ANO3: variants seen among roughly 807,000 people sequenced by gnomAD.
The protein encoded by ANO3 is anoctamin 3.
A neutral mutation model predicts 144.8 loss-of-function variants in ANO3; 99 were observed. The observed-to-expected ratio is 0.68, with a 90% CI of 0.58 to 0.81. ANO3 has a LOEUF of 0.81. ANO3 is among the 30% of genes least tolerant of loss of function. ANO3 has a pLI of 0.00. For synonymous variants in ANO3, 414 were observed against 392.6 expected, an observed-to-expected ratio of 1.05 and a Z score of -0.64; for missense variants, 905 against 1,202.2, an observed-to-expected ratio of 0.75 and a Z score of 3.66.
At chr11:26,538,542 T>C (rs1056573374) in intron 10 of ANO3, among the ~76,000 whole-genome samples, 1 of 152,096 alleles carries the variant, frequency 6.6e-6, no homozygotes, top group Non-Finnish European at 1.5e-5. Flanking sequence ...ACATAATAAA[T>C]GGTAAAGTGT....
intron 1 of ANO3, among the ~76,000 whole-genome samples, chr11:26,310,705 C>A (rs951995188): frequency 6.6e-6 from 1 of 152,092 alleles, no homozygotes; most frequent in Non-Finnish European, 1.5e-5. Context: ...AACTGCCAGT[C>A]CCCACAGCAG....
chr11:26,586,503 C>CTTTTTTTTTTTTTTTTT lies in ANO3; in HGVS notation c.1448-11860_1448-11844dup, dbSNP rs550057766. 7.3e-3 allele frequency among the ~76,000 whole-genome samples: 598 copies of CTTTTTTTTTTTTTTTTT among 81,402 alleles called. 94 individuals are homozygous for CTTTTTTTTTTTTTTTTT. Among genetic ancestry groups the CTTTTTTTTTTTTTTTTT allele is most frequent in the Admixed American group, 0.012 (71 of 6,138 alleles). 53.4% of individuals were successfully genotyped at this position (81,402 alleles called of 152,430 possible). On this transcript the variant is annotated intron_variant, in intron 14 of 26. Transcript: ENST00000256737. ...AAGAAGGGGCTTCCCTGGTGAGAAT[C>CTTTTTTTTTTTTTTTTT]TTTTTTTTTTTTTTTTTTGAGACAT...
intron 1 of ANO3, among the ~76,000 whole-genome samples, chr11:26,189,561 G>A (rs539246357): frequency 5.2e-4 from 79 of 152,264 alleles, no homozygotes; most frequent in South Asian, 1.9e-3. Flanking sequence ...AACAAAGTCA[G>A]TAAACTCAGA....
intron 1 of ANO3, chr11:26,286,190 C>G (rs1019938147): frequency 2.0e-5 from 3 of 152,184 alleles, no homozygotes; most frequent in African/African-American, 7.2e-5. Flanking sequence ...GTTCACAGGA[C>G]TCTGAAAACA....
rs1301925099 is a variant in ANO3, at chr11:26,463,152, A to G, written c.432+4A>G. 5 of 1,413,934 alleles carry G rather than the reference A, an allele frequency of 3.5e-6. No individual in the cohort carries two copies. Among genetic ancestry groups the G allele is most frequent in the Non-Finnish European group, 4.9e-6 (5 of 1,015,662 alleles). The allele number at this position is 1,413,934 out of a possible 1,614,324, so 87.6% of individuals were successfully genotyped here. ...ATTCAAGACAAAATTATCTAAGGTAATGAGAACTAAATTATCAATAAGTCA... is the reference window on the plus strand; with the variant it reads ...ATTCAAGACAAAATTATCTAAGGTAGTGAGAACTAAATTATCAATAAGTCA... On this transcript the variant is annotated splice_donor_region_variant and intron_variant, in intron 4 of 26. Transcript: ENST00000256737.
intron 6 of ANO3, among the ~76,000 whole-genome samples, chr11:26,524,264 T>G (rs932700983): frequency 1.3e-5 from 2 of 152,194 alleles, no homozygotes; most frequent in Non-Finnish European, 2.9e-5. Flanking sequence ...GAGAAGTATT[T>G]AAAGTGTGAG....
intron 4 of ANO3, among the ~76,000 whole-genome samples, chr11:26,496,299 G>A (rs144119567): frequency 5.1e-4 from 77 of 152,214 alleles, no homozygotes; most frequent in African/African-American, 1.8e-3. Context: ...TACTACTGAG[G>A]TGTCCTAAAA....
At chr11:26,476,889 TTGTGTGTGTGTGTA>T (rs1160712567) in intron 4 of ANO3, among the ~76,000 whole-genome samples, 3 of 136,400 alleles carry the variant, frequency 2.2e-5, no homozygotes, top group African/African-American at 8.2e-5. Flanking sequence ...TGTTATAATT[TTGTGTGTGTGTGTA>T]TGTGTGTGTG....
At chr11:26,585,066 T>C (rs368981294) in intron 14 of ANO3, among the ~76,000 whole-genome samples, 226 of 152,312 alleles carry the variant, frequency 1.5e-3, no homozygotes, top group South Asian at 5.0e-3. Flanking sequence ...AACAAAAATG[T>C]CCTTCTCCTA....
At chr11:26,267,839 T>C (rs544458893) in intron 1 of ANO3, among the ~76,000 whole-genome samples, 9 of 152,160 alleles carry the variant, frequency 5.9e-5, no homozygotes. Context: ...CTGCTTGCCC[T>C]AATTCTCTCT....
At chr11:26,506,880 C>T (rs925194394) in intron 4 of ANO3, among the ~76,000 whole-genome samples, 52 of 152,182 alleles carry the variant, frequency 3.4e-4, no homozygotes, top group African/African-American at 1.3e-3. Flanking sequence ...TCACCTGGAG[C>T]TGCCTATCTG....
At chr11:26,593,543 C>T (rs922382710) in intron 14 of ANO3, among the ~76,000 whole-genome samples, 6 of 152,128 alleles carry the variant, frequency 3.9e-5, no homozygotes, top group Non-Finnish European at 7.3e-5. Context: ...ATACCCGGGG[C>T]TCTGTGAGGG....
intron 1 of ANO3, among the ~76,000 whole-genome samples, chr11:26,243,951 G>C (rs961022847): frequency 2.0e-5 from 3 of 151,622 alleles, no homozygotes; most frequent in Non-Finnish European, 4.4e-5. Flanking sequence ...AACTCCGCCT[G>C]TACTAAAAAT....
chr11:26,390,803 A>C (rs560759794), intron 1 of ANO3, among the ~76,000 whole-genome samples: 133 of 152,288 alleles, frequency 8.7e-4, no homozygotes, highest in African/African-American at 3.1e-3. Flanking sequence ...CAATAAAGGC[A>C]ACATTATTTT....
At chr11:26,508,054 A>G in intron 4 of ANO3, 50 bp from the exon 5 acceptor site, 2 of 1,523,718 alleles carry the variant, frequency 1.3e-6, no homozygotes, top group Non-Finnish European at 1.8e-6. Context: ...TAACTAAAAC[A>G]TACATGCTTG....
At chr11:26,201,250 G>A (rs1005929607) in intron 1 of ANO3, among the ~76,000 whole-genome samples, 7 of 152,026 alleles carry the variant, frequency 4.6e-5, no homozygotes, top group East Asian at 3.9e-4. Context: ...AGGAAAATAC[G>A]TTTTCTGATT....
intron 1 of ANO3, among the ~76,000 whole-genome samples, chr11:26,322,406 T>G (rs1448818522): frequency 1.3e-5 from 2 of 152,100 alleles, no homozygotes; most frequent in Non-Finnish European, 2.9e-5. Flanking sequence ...ATTCATATTT[T>G]CTTTATTATC....
intron 1 of ANO3, among the ~76,000 whole-genome samples, chr11:26,416,844 G>T (rs1451202720): frequency 6.6e-6 from 1 of 151,920 alleles, no homozygotes; most frequent in Non-Finnish European, 1.5e-5. Context: ...TTTGAATATT[G>T]ATATCACATA....
chr11:26,349,303 A>C (rs1855573742), intron 1 of ANO3, among the ~76,000 whole-genome samples: 1 of 152,196 alleles, frequency 6.6e-6, no homozygotes, highest in South Asian at 2.1e-4. Context: ...TAACCATTGA[A>C]ATTAAAGTAA....
Sources: gnomAD v4.1 joint callset for allele counts (sites outside exome capture counted in the v4.1 genomes callset) on GRCh38, gnomAD v4.1.1 for gene constraint, MANE v1.5 for transcripts, NCBI Gene and HGNC (gene_info 2026-07-23, HGNC 2026-07-21) for gene names.